Variants in MAP1B observed in about 807,000 individuals in gnomAD.
The protein encoded by MAP1B is microtubule associated protein 1B.
A neutral mutation model predicts 176.1 loss-of-function variants in MAP1B; 12 were observed. The ratio of observed to expected loss-of-function variants is 0.07; its 90% CI spans 0.04 to 0.11. MAP1B has a LOEUF of 0.11. Among genes scored for constraint, MAP1B ranks in the 10% least tolerant of loss-of-function variants. The probability of loss-of-function intolerance (pLI) is 1.00; values close to 1 mark genes in which losing one functional copy is unlikely to be tolerated. For synonymous variants in MAP1B, 1,044 were observed against 1,135.0 expected, an observed-to-expected ratio of 0.92 and a Z score of 1.61; for missense variants, 2,523 against 2,990.5, an observed-to-expected ratio of 0.84 and a Z score of 3.65.
In MAP1B at chr5:72,189,918, C is replaced by T. The variant is rs557461452; in HGVS notation, c.510+3164C>T. Among the ~76,000 whole-genome samples the T allele has an allele frequency of 2.0e-5, 3 of 152,142 alleles. No homozygotes were observed. The South Asian group carries it at 6.2e-4, about 32-fold the overall frequency. On this transcript the variant is annotated intron_variant, in intron 4 of 6. Transcript: ENST00000296755. ...TTAGAGGTATTTGAAGCCCAGAAGA[C>T]ACATGATGTGACCTAGAGTGAGAAA...
At chr5:72,143,076 TGTGAGTGTGTGC>T (rs750801119) in intron 2 of MAP1B, among the ~76,000 whole-genome samples, 46 of 152,176 alleles carry the variant, frequency 3.0e-4, no homozygotes, top group Non-Finnish European at 5.7e-4. Flanking sequence ...CTTGTGTGTG[TGTGAGTGTGTGC>T]GTGAGTGTGT....
intron 1 of MAP1B, among the ~76,000 whole-genome samples, chr5:72,112,368 G>A (rs1745358483): frequency 6.6e-6 from 1 of 152,042 alleles, no homozygotes. Flanking sequence ...TAAATTGTTG[G>A]TTTCATTAAA....
chr5:72,134,405 A>G (rs1745792464), intron 2 of MAP1B, among the ~76,000 whole-genome samples: 1 of 152,148 alleles, frequency 6.6e-6, no homozygotes. Context: ...TAAGCCTTGT[A>G]ATTATAGCAG....
At chr5:72,125,289 A>G (rs1745607491) in intron 2 of MAP1B, among the ~76,000 whole-genome samples, 1 of 152,138 alleles carries the variant, frequency 6.6e-6, no homozygotes, top group South Asian at 2.1e-4. Flanking sequence ...AGTGCCTTGT[A>G]GTTAGTTTAG....
chr5:72,149,389 G>A (rs1373881037), intron 2 of MAP1B, among the ~76,000 whole-genome samples: 1 of 152,158 alleles, frequency 6.6e-6, no homozygotes, highest in African/African-American at 2.4e-5. Context: ...ACTTAGGAGG[G>A]GCGGTAAGCA....
At chr5:72,120,998 CTA>C (rs2112127656) in intron 2 of MAP1B, among the ~76,000 whole-genome samples, 1 of 152,326 alleles carries the variant, frequency 6.6e-6, no homozygotes, top group Admixed American at 6.5e-5. Context: ...GAGCTGCTGA[CTA>C]TGTGTAAAGG....
At position 72,207,588 on chromosome 5, in the gene MAP1B, G is replaced by A. The variant is rs139416035; in HGVS notation, c.*2349G>A. 422 of 151,984 alleles carry A rather than the reference G, an allele frequency of 2.8e-3. 1 individual carries two copies. The highest frequency in any genetic ancestry group is 9.7e-3 in the African/African-American group (403 of 41,442). 9.4% of individuals were successfully genotyped at this position (151,984 alleles called of 1,614,324 possible). ...AGTCCTTGGAAAATAACATATTAAGGGTACAAGAAATTAACACATGATGGA... is the reference window on the plus strand; with the variant it reads ...AGTCCTTGGAAAATAACATATTAAGAGTACAAGAAATTAACACATGATGGA... On this transcript the variant is annotated 3_prime_UTR_variant, in exon 7 of 7. Coordinates refer to ENST00000296755, the MANE Select transcript of MAP1B (RefSeq NM_005909.5).
At chr5:72,115,447 GA>G (rs1295265423) in intron 1 of MAP1B, among the ~76,000 whole-genome samples, 2 of 152,112 alleles carry the variant, frequency 1.3e-5, no homozygotes, top group Admixed American at 1.3e-4. Context: ...TCTTCCAGAA[GA>G]GGTGCATTTA....
intron 2 of MAP1B, among the ~76,000 whole-genome samples, chr5:72,139,206 T>A (rs945500130): frequency 3.3e-5 from 5 of 152,138 alleles, no homozygotes; most frequent in African/African-American, 1.2e-4. Context: ...TTAGAGTAGA[T>A]ACATACAACA....
rs996326045 is a variant in MAP1B at position 72,196,895 on chromosome 5, T to G, written c.3540T>G (p.Val1180=). ...YSQEYSKPAD[V]TPLNGFSEGS... ...AGGAATACTCTAAACCTGCTGATGT[T>G]ACACCGCTCAACGGATTTTCTGAAG... is the stretch of plus-strand genomic sequence containing the variant. Residue 1180 remains valine (V), a synonymous_variant, in exon 5 of 7, where the codon GTT becomes GTG. Coordinates refer to ENST00000296755, the MANE Select transcript of MAP1B (RefSeq NM_005909.5). The surrounding 1 kb of genome is among the most constrained non-coding windows in gnomAD (Gnocchi z 5.3). 4.3e-6 allele frequency: 7 copies of G among 1,614,250 alleles called. No homozygotes were observed. The highest frequency in any genetic ancestry group is 1.6e-4 in the Middle Eastern group (1 of 6,062).
rs1747520636 is a variant in MAP1B, at chr5:72,209,367, T to TGTATG, written c.*4133_*4137dup. The TGTATG allele has an allele frequency of 6.6e-6, 1 of 152,176 alleles. No homozygotes were observed. Among genetic ancestry groups the TGTATG allele is most frequent in the Admixed American group, 6.5e-5 (1 of 15,288 alleles). 9.4% of individuals were successfully genotyped at this position (152,176 alleles called of 1,614,324 possible). A position where few individuals can be genotyped will look rare whatever the true frequency, so the allele number is the denominator to read the frequency against. ...TGGTGTTTGTGTCAGTCTGCAGCTG[T>TGTATG]GTATGGTATTATGTCTTATAATCCT... On this transcript the variant is annotated 3_prime_UTR_variant, in exon 7 of 7. Coordinates refer to ENST00000296755, the MANE Select transcript of MAP1B (RefSeq NM_005909.5).
intron 2 of MAP1B, among the ~76,000 whole-genome samples, chr5:72,125,791 T>A (rs1198349959): frequency 6.6e-6 from 1 of 152,212 alleles, no homozygotes. Context: ...GAATTTTGAA[T>A]CCAGCCTGAA....
chr5:72,179,665 C>G (rs1432701936), intron 2 of MAP1B: 1 of 985,340 alleles, frequency 1.0e-6, no homozygotes, highest in Non-Finnish European at 1.2e-6. Context: ...TACGTCGTCC[C>G]CAGAAAGAAT....
intron 2 of MAP1B, among the ~76,000 whole-genome samples, chr5:72,139,712 C>T (rs182658794): frequency 2.2e-4 from 34 of 152,282 alleles, no homozygotes; most frequent in Non-Finnish European, 4.0e-4. Context: ...AGATCTGTCC[C>T]TGAATATGAG....
At position 72,190,211 on chromosome 5, in the gene MAP1B, A is replaced by G. The variant is rs1746997572; in HGVS notation, c.510+3457A>G. Among the ~76,000 whole-genome samples, 3 of 152,304 alleles carry G rather than the reference A, an allele frequency of 2.0e-5. No individual in the cohort carries two copies. In the South Asian group the frequency reaches 6.2e-4, roughly 32 times the overall value. On this transcript the variant is annotated intron_variant, in intron 4 of 6. Transcript: ENST00000296755. The stretch of plus-strand genomic sequence containing the variant: ...CATCACCATACACCATTAATGGTCA[A>G]TGGGGAAGTCAATGGGGAAGAGATG...
At chr5:72,108,284 C>T (rs888096148) in intron 1 of MAP1B, among the ~76,000 whole-genome samples, 2 of 152,184 alleles carry the variant, frequency 1.3e-5, no homozygotes, top group African/African-American at 4.8e-5. Flanking sequence ...CACGCCCGCT[C>T]CCCCCGCCCC....
rs375407448 is a variant in MAP1B, at chr5:72,197,867, A to G, written c.4512A>G (p.Gln1504=). ...AATTAGGAGATGTTTCTCCCACACAAATAGATGTCAGTCAGTTTGGATCTT... is the reference window on the plus strand; with the variant it reads ...AATTAGGAGATGTTTCTCCCACACAGATAGATGTCAGTCAGTTTGGATCTT... ...ERKLGDVSPT[Q]IDVSQFGSFK... Residue 1504 remains glutamine, a synonymous_variant, in exon 5 of 7, where the codon CAA becomes CAG. Transcript: ENST00000296755. 5.6e-6 allele frequency: 9 copies of G among 1,614,108 alleles called. No homozygotes were observed. The African/African-American group carries it at 1.2e-4, about 22-fold the overall frequency.
chr5:72,177,652 T>C (rs989619626), intron 2 of MAP1B, among the ~76,000 whole-genome samples: 3 of 152,120 alleles, frequency 2.0e-5, no homozygotes, highest in African/African-American at 7.2e-5. Flanking sequence ...GCCATGTGGG[T>C]TTCTGCAGAA....
At chr5:72,193,405 A>G (rs1304807758) in intron 4 of MAP1B, 1 of 324,562 alleles carries the variant, frequency 3.1e-6, no homozygotes, top group Non-Finnish European at 6.1e-6. Flanking sequence ...ATTAGTGGTG[A>G]AATGACCCAG....
Sources: allele counts gnomAD v4.1 joint callset (sites outside exome capture counted in the v4.1 genomes callset), GRCh38; gene constraint gnomAD v4.1.1; non-coding constraint Gnocchi (gnomAD v3.1); transcripts MANE v1.5; gene names NCBI Gene and HGNC (gene_info 2026-07-23, HGNC 2026-07-21).